Variants in SCLY observed in about 807,000 individuals in gnomAD.
The protein encoded by SCLY is selenocysteine lyase, also known as putative selenocysteine lyase.
In SCLY, 38 loss-of-function variants were observed where a neutral mutation model predicts 50.1. That is an observed-to-expected ratio of 0.76 (90% CI 0.59 to 0.99). SCLY has a LOEUF of 0.99. SCLY is among the 50% of genes least tolerant of loss of function. SCLY has a pLI of 0.00. For missense variants in SCLY, 600 were observed against 620.0 expected (o/e 0.97, Z 0.34); for synonymous variants, 243 against 249.4 (o/e 0.97, Z 0.24).
intron 6 of SCLY, 45 bp downstream of exon 6, chr2:238,082,254 C>A: frequency 6.5e-7 from 1 of 1,528,274 alleles, no homozygotes; most frequent in Non-Finnish European, 8.9e-7. Flanking sequence ...GAGCCTACTG[C>A]GCAGGTGGCT....
At position 238,098,275 on chromosome 2, in the gene SCLY, C is replaced by T. The variant is rs550794143; in HGVS notation, c.1258C>T (p.Arg420Cys). The T allele has an allele frequency of 2.9e-5, 47 of 1,610,168 alleles. No individual in the cohort carries two copies. The highest frequency in any genetic ancestry group is 6.6e-5 in the South Asian group (6 of 91,044). ...GAACGCGCTCCGGCTCAGCGTGGGC[C>T]GCAGCACCACCAGGGCCGAGGTGGA... is the stretch of plus-strand genomic sequence containing the variant. ...ARNALRLSVG[R>C]STTRAEVDLV... The change falls in exon 12 of 12, where the codon CGC (arginine) becomes TGC (cysteine). Residue 420 changes from arginine to cysteine, a missense_variant. By Grantham distance (180) the Arg-to-Cys change is radical (BLOSUM62 -3). Coordinates refer to ENST00000254663, the MANE Select transcript of SCLY (RefSeq NM_016510.7).
chr2:238,091,902 C>G (rs1487869670), intron 8 of SCLY: 1 of 152,912 alleles, frequency 6.5e-6, no homozygotes, highest in African/African-American at 2.4e-5. Context: ...AGATGTATGC[C>G]CCACCTTCTG....
At position 238,098,612 on chromosome 2, in the gene SCLY, C is replaced by CCCACATGGGAACGCCCACATAGAACCGT. The variant is rs1559254607; in HGVS notation, c.*267_*268insACGCCCACATAGAACCGTCCACATGGGA. On this transcript the variant is annotated 3_prime_UTR_variant, in exon 12 of 12. Coordinates refer to ENST00000254663, the MANE Select transcript of SCLY (RefSeq NM_016510.7). ...ACATAGGACCGCCCACATAGGACCGCCCACATGGGACCGCCCACATGGGAC... is the reference window on the plus strand; with the variant it reads ...ACATAGGACCGCCCACATAGGACCGCCCACATGGGAACGCCCACATAGAACCGTCCACATGGGACCGCCCACATGGGAC... 7.1e-3 allele frequency: 2,931 copies of CCCACATGGGAACGCCCACATAGAACCGT among 410,406 alleles called. 127 individuals are homozygous for CCCACATGGGAACGCCCACATAGAACCGT. The highest frequency in any genetic ancestry group is 9.9e-3 in the Non-Finnish European group (2,286 of 231,472). The allele number at this position is 410,406 out of a possible 1,614,324, so 25.4% of individuals were successfully genotyped here.
At position 238,069,146 on chromosome 2, in the gene SCLY, C is replaced by T; in HGVS notation, c.304-151C>T. The T allele has an allele frequency of 6.1e-6, 4 of 655,848 alleles. No individual in the cohort carries two copies. Among genetic ancestry groups the T allele is most frequent in the African/African-American group, 1.9e-5 (1 of 53,840 alleles). The allele number at this position is 655,848 out of a possible 1,614,324, so 40.6% of individuals were successfully genotyped here. A position where few individuals can be genotyped will look rare whatever the true frequency, so the allele number is the denominator to read the frequency against. On this transcript the variant is annotated intron_variant, in intron 3 of 11. Coordinates refer to ENST00000254663, the MANE Select transcript of SCLY (RefSeq NM_016510.7). This position sits in a 1 kb window ranked among gnomAD's most constrained non-coding sequence, Gnocchi z 5.0. ...CATGTTTTTGAATGTTGGAAAACCC[C>T]AAATCTTTCAAAAGGTCCCACTCAG...
intron 10 of SCLY, 114 bp downstream of exon 10, chr2:238,094,636 G>A: frequency 1.1e-6 from 1 of 893,472 alleles, no homozygotes; most frequent in Non-Finnish European, 1.8e-6. Flanking sequence ...ACACAGCTCG[G>A]GCTGTCAGAG....
chr2:238,092,914 G>A (rs2065381483), intron 8 of SCLY: 1 of 152,816 alleles, frequency 6.5e-6, no homozygotes, highest in Non-Finnish European at 1.5e-5. Context: ...TGTGATGCTA[G>A]CTTGTGCTCC....
At position 238,068,140 on chromosome 2, in the gene SCLY, T is replaced by A; in HGVS notation, c.278T>A (p.Ile93Lys). Residue 93 changes from isoleucine (I) to lysine (K), a missense_variant, in exon 3 of 12, where the codon ATA (isoleucine) becomes AAA (lysine). Coordinates refer to ENST00000254663, the MANE Select transcript of SCLY (RefSeq NM_016510.7). Reference sequence around the variant, plus strand: ...ATGATAGGGGGGAAACCTCAAGATATAATCTTCACTTCCGGGGGCACTGAG... The same window carrying A: ...ATGATAGGGGGGAAACCTCAAGATAAAATCTTCACTTCCGGGGGCACTGAG... ...AKMIGGKPQD[I>K]IFTSGGTESN... is the part of the protein sequence containing the mutation. 6.2e-7 allele frequency: 1 copy of A among 1,610,492 alleles called. No homozygotes were observed. The highest frequency in any genetic ancestry group is 8.5e-7 in the Non-Finnish European group (1 of 1,178,274).
rs1178372819 is a variant in SCLY, at chr2:238,098,520, G to A, written c.*165G>A. On this transcript the variant is annotated 3_prime_UTR_variant, in exon 12 of 12. Transcript: ENST00000254663. The stretch of plus-strand genomic sequence containing the variant: ...TGTGCACCCCCAGTTTCCTTCCCTG[G>A]ACCCCTGCAGAGCTCACAGGGCCCA... 16 of 774,528 alleles carry A rather than the reference G, an allele frequency of 2.1e-5. No individual in the cohort carries two copies. The South Asian group carries it at 2.8e-4, about 14-fold the overall frequency. 48.0% of individuals were successfully genotyped at this position (774,528 alleles called of 1,614,324 possible).
rs1006529406 is a variant in SCLY, at chr2:238,069,988, A to G, written c.484+511A>G. Among the ~76,000 whole-genome samples the G allele has an allele frequency of 2.0e-5, 3 of 152,212 alleles. No homozygotes were observed. The highest frequency in any genetic ancestry group is 7.2e-5 in the African/African-American group (3 of 41,456). ...TGGAATAAGCGAGCTGCCGCACCTG[A>G]TCTCAGCACCCATGACGCGAGGCCT... On this transcript the variant is annotated intron_variant, in intron 4 of 11. Transcript: ENST00000254663. This position sits in a 1 kb window ranked among gnomAD's most constrained non-coding sequence, Gnocchi z 5.0.
At chr2:238,098,077 C>A in intron 11 of SCLY, 125 bp from the exon 12 acceptor site, 1 of 1,139,430 alleles carries the variant, frequency 8.8e-7, no homozygotes, top group Non-Finnish European at 1.2e-6. Context: ...GAGGTGGATG[C>A]CAGGCGAGGC....
intron 10 of SCLY, chr2:238,095,585 G>A (rs1356614899): frequency 3.3e-5 from 5 of 152,194 alleles, no homozygotes; most frequent in African/African-American, 9.7e-5. Context: ...GCTGAAATGC[G>A]TTCTTGTGGG....
intron 5 of SCLY, 54 bp from the exon 6 acceptor site, chr2:238,081,991 T>C (rs1294634830): frequency 6.3e-7 from 1 of 1,588,534 alleles, no homozygotes; most frequent in Non-Finnish European, 8.6e-7. Context: ...ATTTCTGTCA[T>C]TCAGTTTTCA....
chr2:238,070,271 C>T (rs532219714), intron 4 of SCLY, among the ~76,000 whole-genome samples: 1 of 152,258 alleles, frequency 6.6e-6, no homozygotes, highest in East Asian at 1.9e-4. Context: ...CCTGAGTTTT[C>T]TTGTGTAATC....
Position 238,098,395 on chromosome 2 carries a change from G to T in SCLY, c.*40G>T. 1 of 1,548,682 alleles carries T rather than the reference G, an allele frequency of 6.5e-7. No individual in the cohort carries two copies. ...TCCCCACCCCGCTTCTGGGAAGCCC[G>T]TGGCAGGGCACAGGGTTGTCCCTCC... is the stretch of plus-strand genomic sequence containing the variant. On this transcript the variant is annotated 3_prime_UTR_variant, in exon 12 of 12. Coordinates refer to ENST00000254663, the MANE Select transcript of SCLY (RefSeq NM_016510.7).
At chr2:238,072,910 C>T (rs2065140743) in intron 4 of SCLY, among the ~76,000 whole-genome samples, 1 of 152,040 alleles carries the variant, frequency 6.6e-6, no homozygotes, top group Non-Finnish European at 1.5e-5. Flanking sequence ...TGTTGTTGTT[C>T]CTTGTGTCAT....
chr2:238,094,446 T>G lies in SCLY; in HGVS notation c.1032T>G (p.His344Gln). 6.2e-7 allele frequency: 1 copy of G among 1,614,140 alleles called. No individual in the cohort carries two copies. The highest frequency in any genetic ancestry group is 8.5e-7 in the Non-Finnish European group (1 of 1,179,968). ...CTGAATTCGGTCAGAAGAGAATCCA[T>G]CTGAATAGCCAGTTTCCAGGCACCC... Reference protein sequence around the residue: ...LEAEFGQKRIHLNSQFPGTQR... With the variant: ...LEAEFGQKRIQLNSQFPGTQR... Residue 344 changes from histidine (H) to glutamine (Q), a missense_variant, in exon 10 of 12, where the codon CAT becomes CAG. Coordinates refer to ENST00000254663, the MANE Select transcript of SCLY (RefSeq NM_016510.7).
rs530741712 is a variant in SCLY at position 238,076,527 on chromosome 2, G to T, written c.485-5182G>T. On this transcript the variant is annotated intron_variant, in intron 4 of 11. Coordinates refer to ENST00000254663, the MANE Select transcript of SCLY (RefSeq NM_016510.7). ...AAAGTATTTTCTAGTCTCCCTTGTG[G>T]TTTTTTTTTTCTATGACCCATTAGA... is the stretch of plus-strand genomic sequence containing the variant. Among the ~76,000 whole-genome samples the T allele has an allele frequency of 1.7e-3, 255 of 148,732 alleles. 2 individuals are homozygous for T. The highest frequency in any genetic ancestry group is 5.8e-3 in the African/African-American group (235 of 40,660).
Sources: allele counts gnomAD v4.1 joint callset (sites outside exome capture counted in the v4.1 genomes callset), GRCh38; gene constraint gnomAD v4.1.1; non-coding constraint Gnocchi (gnomAD v3.1); transcripts MANE v1.5; gene names NCBI Gene and HGNC (gene_info 2026-07-23, HGNC 2026-07-21).